Variants in SYN3 observed in about 807,000 individuals in gnomAD.
The protein encoded by SYN3 is synapsin III.
In SYN3, 35 loss-of-function variants were observed where a neutral mutation model predicts 65.8. The observed-to-expected ratio is 0.53, with a 90% confidence interval of 0.41 to 0.70. The LOEUF (loss-of-function observed/expected upper bound fraction) is 0.70. SYN3 is among the 30% of genes least tolerant of loss of function. The pLI is 0.00. For missense variants in SYN3, 680 were observed against 749.0 expected (o/e 0.91, Z 1.08); for synonymous variants, 270 against 292.9 (o/e 0.92, Z 0.80).
At chr22:32,876,975 GTAGA>G (rs543751699) in intron 4 of SYN3, among the ~76,000 whole-genome samples, 129 of 152,312 alleles carry the variant, frequency 8.5e-4, no homozygotes, top group Admixed American at 2.5e-3. Context: ...TAGACGGTAG[GTAGA>G]TAGATAGATA....
chr22:33,035,124 C>T (rs570330886), intron 1 of SYN3, among the ~76,000 whole-genome samples: 1 of 152,222 alleles, frequency 6.6e-6, no homozygotes, highest in African/African-American at 2.4e-5. Flanking sequence ...GGCATATTGT[C>T]ACTAAAGGAA....
At chr22:32,935,611 C>T (rs544485672) in intron 3 of SYN3, among the ~76,000 whole-genome samples, 65 of 152,112 alleles carry the variant, frequency 4.3e-4, no homozygotes, top group African/African-American at 1.2e-3. Context: ...CCACCGCGCC[C>T]GGCTAATTTT....
intron 7 of SYN3, among the ~76,000 whole-genome samples, chr22:32,596,086 A>G (rs2059194932): frequency 6.6e-6 from 1 of 152,050 alleles, no homozygotes; most frequent in South Asian, 2.1e-4. Flanking sequence ...CAAAAACAAA[A>G]TAAAGTGTGT....
At chr22:33,049,989 T>C (rs2054135020) in intron 1 of SYN3, among the ~76,000 whole-genome samples, 1 of 152,084 alleles carries the variant, frequency 6.6e-6, no homozygotes. Context: ...AATAACTAAA[T>C]GCAACTCACT....
At chr22:32,781,090 T>A (rs961703594) in intron 6 of SYN3, among the ~76,000 whole-genome samples, 1 of 131,706 alleles carries the variant, frequency 7.6e-6, no homozygotes, top group Admixed American at 8.0e-5. Context: ...CCATCCTCCC[T>A]TCCTCCCTTC....
intron 10 of SYN3, 62 bp from the exon 11 acceptor site, chr22:32,529,070 A>C (rs2058028695): frequency 6.2e-7 from 1 of 1,606,904 alleles, no homozygotes; most frequent in South Asian, 1.1e-5. Flanking sequence ...GTTGGGCATC[A>C]CATCCCAGAA....
intron 1 of SYN3, among the ~76,000 whole-genome samples, chr22:33,041,197 G>A (rs546151780): frequency 1.3e-5 from 2 of 151,502 alleles, no homozygotes; most frequent in East Asian, 3.9e-4. Flanking sequence ...GATTACAGGC[G>A]TGAGTCACTG....
At chr22:32,569,567 C>CTATATATA (rs1225222696) in intron 7 of SYN3, among the ~76,000 whole-genome samples, 4 of 64,442 alleles carry the variant, frequency 6.2e-5, no homozygotes, top group Non-Finnish European at 1.3e-4. Flanking sequence ...CTCTCTCTCT[C>CTATATATA]TCTCTATATA....
intron 6 of SYN3, among the ~76,000 whole-genome samples, chr22:32,733,651 G>C (rs1336947846): frequency 6.6e-6 from 1 of 152,228 alleles, no homozygotes; most frequent in Non-Finnish European, 1.5e-5. Context: ...GTGTCTGGCA[G>C]AGGGGTTGGT....
intron 3 of SYN3, among the ~76,000 whole-genome samples, chr22:32,976,424 A>C (rs71313148): frequency 3.3e-5 from 5 of 152,204 alleles, no homozygotes; most frequent in African/African-American, 1.2e-4. Context: ...TCTTTTAAAA[A>C]TTAGAGACTG....
chr22:32,885,642 T>C (rs1461217998), intron 4 of SYN3, among the ~76,000 whole-genome samples: 2 of 151,644 alleles, frequency 1.3e-5, no homozygotes, highest in Non-Finnish European at 2.9e-5. Context: ...CTCACCACAA[T>C]CTCCACCTCC....
intron 6 of SYN3, among the ~76,000 whole-genome samples, chr22:32,811,524 C>T (rs903353280): frequency 3.3e-5 from 5 of 152,264 alleles, no homozygotes; most frequent in African/African-American, 7.2e-5. Flanking sequence ...TTGATCCCCC[C>T]GCCTCCAAAT....
intron 6 of SYN3, among the ~76,000 whole-genome samples, chr22:32,802,350 C>T (rs954894861): frequency 1.3e-5 from 2 of 152,090 alleles, no homozygotes; most frequent in African/African-American, 2.4e-5. Flanking sequence ...CCCCTGGCCG[C>T]CTTTGCTTTC....
intron 1 of SYN3, among the ~76,000 whole-genome samples, chr22:33,055,730 T>C (rs1328009270): frequency 1.3e-5 from 2 of 152,184 alleles, no homozygotes; most frequent in Admixed American, 6.5e-5. Flanking sequence ...AAGGAGTCAA[T>C]TGGACAAAGA....
chr22:32,524,339 ACT>A (rs1232223992), intron 12 of SYN3, among the ~76,000 whole-genome samples: 2 of 152,184 alleles, frequency 1.3e-5, no homozygotes, highest in East Asian at 1.9e-4. Flanking sequence ...GGATAGGCTG[ACT>A]CTCTTGTTGG....
At chr22:32,630,606 C>T (rs1004570450) in intron 6 of SYN3, among the ~76,000 whole-genome samples, 9 of 152,164 alleles carry the variant, frequency 5.9e-5, no homozygotes, top group Middle Eastern at 3.4e-3. Flanking sequence ...CTGATGTGCA[C>T]GTTACAAACA....
chr22:32,628,764 T>A (rs2059705992), intron 6 of SYN3, among the ~76,000 whole-genome samples: 1 of 151,112 alleles, frequency 6.6e-6, no homozygotes, highest in Non-Finnish European at 1.5e-5. Flanking sequence ...AAAAAAAACC[T>A]CACTCAAATC....
At chr22:32,531,683 C>CT (rs130460) in intron 10 of SYN3, among the ~76,000 whole-genome samples, 17 of 148,246 alleles carry the variant, frequency 1.1e-4, no homozygotes, top group South Asian at 8.6e-4. Context: ...TCTCTTCTGC[C>CT]TTTTTTTTTT....
At chr22:32,775,116 G>T (rs989575445) in intron 6 of SYN3, among the ~76,000 whole-genome samples, 2 of 152,256 alleles carry the variant, frequency 1.3e-5, no homozygotes, top group Non-Finnish European at 2.9e-5. Context: ...GCTGGTGAGG[G>T]CTCTCTTGCT....
Sources: gnomAD v4.1 joint callset for allele counts (sites outside exome capture counted in the v4.1 genomes callset) on GRCh38, gnomAD v4.1.1 for gene constraint, MANE v1.5 for transcripts, NCBI Gene and HGNC (gene_info 2026-07-23, HGNC 2026-07-21) for gene names.